The following EZR variants were observed in gnomAD, a reference collection of about 807,000 sequenced individuals.
EZR encodes ezrin.
A neutral mutation model predicts 74.8 loss-of-function variants in EZR; 40 were observed. That is an observed-to-expected ratio of 0.53 (90% CI 0.42 to 0.70). The LOEUF (loss-of-function observed/expected upper bound fraction) is 0.70. Ranked by LOEUF, EZR falls within the 30% of genes least tolerant of loss-of-function variation. The pLI, the probability that EZR is intolerant of heterozygous loss-of-function variation, is 0.00. For synonymous variants in EZR, 341 were observed against 283.3 expected, an observed-to-expected ratio of 1.20 and a Z score of -2.05; for missense variants, 678 against 755.8, an observed-to-expected ratio of 0.90 and a Z score of 1.21.
chr6:158,806,583 A>G (rs893574258), intron 2 of EZR, among the ~76,000 whole-genome samples: 2 of 151,820 alleles, frequency 1.3e-5, no homozygotes, highest in African/African-American at 4.8e-5. Flanking sequence ...AAATCACAAT[A>G]CCATTATCAC....
At chr6:158,767,638 G>T (rs1562488332) in intron 12 of EZR, 126 bp from the exon 13 acceptor site, 1 of 995,666 alleles carries the variant, frequency 1.0e-6, no homozygotes, top group Non-Finnish European at 1.4e-6. Context: ...CTGGGCTGTG[G>T]CTTCGAAGAG....
rs529767040 is a variant in EZR at position 158,776,906 on chromosome 6, G to A, written c.699-402C>T. ...TCCTGCCAGAGCCCACTCTCAAGCT[G>A]TGTGCTGGAGCAGCCCTACTTTCAG... On this transcript the variant is annotated intron_variant, in intron 7 of 13. Transcript: ENST00000367075. Among the ~76,000 whole-genome samples the A allele has an allele frequency of 3.9e-5, 6 of 152,232 alleles. No individual in the cohort carries two copies. In the South Asian group the frequency reaches 1.2e-3, roughly 32 times the overall value.
At chr6:158,796,776 G>A (rs1238728912) in intron 2 of EZR, among the ~76,000 whole-genome samples, 4 of 152,176 alleles carry the variant, frequency 2.6e-5, no homozygotes, top group South Asian at 4.1e-4. Context: ...AGTCCAAGAC[G>A]GGGCCACAGT....
intron 2 of EZR, among the ~76,000 whole-genome samples, chr6:158,803,624 T>TATATAC (rs1562504673): frequency 3.2e-5 from 1 of 30,918 alleles, no homozygotes; most frequent in East Asian, 1.1e-3. Context: ...TATATATATA[T>TATATAC]ACATATACAT....
intron 8 of EZR, among the ~76,000 whole-genome samples, chr6:158,771,626 A>G (rs1378655106): frequency 6.6e-6 from 1 of 152,198 alleles, no homozygotes; most frequent in Non-Finnish European, 1.5e-5. Context: ...TAGCACTGGG[A>G]AAGTGCATTC....
chr6:158,769,706 C>T (rs924831493), intron 11 of EZR, 78 bp downstream of exon 11: 1 of 1,554,392 alleles, frequency 6.4e-7, no homozygotes, highest in Non-Finnish European at 8.8e-7. Flanking sequence ...ACAATTATTA[C>T]AAGGCAGGTG....
Position 158,771,827 on chromosome 6 carries a change from T to A in EZR, c.796-420A>T, listed in dbSNP as rs1171936691. On this transcript the variant is annotated intron_variant, in intron 8 of 13. Coordinates refer to ENST00000367075, the MANE Select transcript of EZR (RefSeq NM_001111077.2). ...TCTTCCAGGTAGCCACCTTTCATGATGTCCTCTCCAGCCTCACTGCTGCTC... is the reference window on the plus strand; with the variant it reads ...TCTTCCAGGTAGCCACCTTTCATGAAGTCCTCTCCAGCCTCACTGCTGCTC... 2.0e-5 allele frequency among the ~76,000 whole-genome samples: 3 copies of A among 152,344 alleles called. No individual in the cohort carries two copies. In the East Asian group the frequency reaches 5.8e-4, roughly 29 times the overall value.
Position 158,766,970 on chromosome 6 carries a change from G to A in EZR, c.1705C>T (p.Arg569Trp), listed in dbSNP as rs765658771. 3 of 1,614,162 alleles carry A rather than the reference G, an allele frequency of 1.9e-6. No homozygotes were observed. The highest frequency in any genetic ancestry group is 2.2e-5 in the South Asian group (2 of 91,078). ...RQGRDKYKTL[R>W]QIRQGNTKQR... The stretch of plus-strand genomic sequence containing the variant: ...TTGGTGTTGCCCTGCCGGATCTGCC[G>A]CAGCGTCTTGTACTTGTCCCGGCCT... Residue 569 changes from arginine to tryptophan, a missense_variant, in exon 14 of 14, where the codon CGG becomes TGG. Arg to Trp is a moderately radical substitution (Grantham distance 101). Transcript: ENST00000367075.
chr6:158,815,090 C>G (rs1309445398), intron 2 of EZR, among the ~76,000 whole-genome samples: 3 of 152,122 alleles, frequency 2.0e-5, no homozygotes, highest in African/African-American at 7.2e-5. Context: ...AAACATTAAG[C>G]CCAAGAAAAC....
At chr6:158,796,553 G>A (rs1302172869) in intron 2 of EZR, among the ~76,000 whole-genome samples, 1 of 152,104 alleles carries the variant, frequency 6.6e-6, no homozygotes, top group Non-Finnish European at 1.5e-5. Context: ...AAATCATCTT[G>A]CCTGGCTTTT....
At chr6:158,799,665 G>GA (rs1355860325) in intron 2 of EZR, among the ~76,000 whole-genome samples, 1 of 152,216 alleles carries the variant, frequency 6.6e-6, no homozygotes, top group Non-Finnish European at 1.5e-5. Flanking sequence ...CACAAATGCT[G>GA]GCTAACAGCC....
chr6:158,807,337 CA>C (rs1777364565), intron 2 of EZR, among the ~76,000 whole-genome samples: 1 of 147,204 alleles, frequency 6.8e-6, no homozygotes, highest in South Asian at 2.2e-4. Flanking sequence ...AAAAAACAAA[CA>C]AAAAAGACAA....
At chr6:158,770,740 A>T (rs2128565982) in intron 10 of EZR, 24 bp downstream of exon 10, 4 of 1,613,940 alleles carry the variant, frequency 2.5e-6, no homozygotes, top group Non-Finnish European at 3.4e-6. Flanking sequence ...CCCAGTGTAG[A>T]GTGCCAGCCC....
intron 2 of EZR, among the ~76,000 whole-genome samples, chr6:158,791,834 G>C (rs967604849): frequency 6.8e-5 from 10 of 146,676 alleles, no homozygotes; most frequent in Admixed American, 2.1e-4. Flanking sequence ...TTAGCCTCCC[G>C]AGTAGCTGGG....
chr6:158,782,165 C>T (rs1272972855), intron 7 of EZR, among the ~76,000 whole-genome samples: 1 of 152,106 alleles, frequency 6.6e-6, no homozygotes, highest in Non-Finnish European at 1.5e-5. Flanking sequence ...CCTGTGACAG[C>T]GCCTGCCTCC....
At chr6:158,817,584 A>G (rs1777585943) in intron 2 of EZR, among the ~76,000 whole-genome samples, 1 of 152,336 alleles carries the variant, frequency 6.6e-6, no homozygotes, top group African/African-American at 2.4e-5. Flanking sequence ...CCTAGTAGGA[A>G]GCGAAGCTGA....
At chr6:158,782,716 T>C (rs1791466195) in intron 7 of EZR, among the ~76,000 whole-genome samples, 1 of 152,140 alleles carries the variant, frequency 6.6e-6, no homozygotes, top group African/African-American at 2.4e-5. Context: ...GCAGAGACGG[T>C]AGTCAGGAGG....
intron 8 of EZR, among the ~76,000 whole-genome samples, chr6:158,773,683 C>T (rs966624191): frequency 6.6e-5 from 10 of 152,242 alleles, no homozygotes; most frequent in Non-Finnish European, 1.5e-4. Context: ...CATCTGGCCG[C>T]AGAGATGGCA....
chr6:158,792,814 C>A (rs1262781557), intron 2 of EZR, among the ~76,000 whole-genome samples: 159 of 131,238 alleles, frequency 1.2e-3, no homozygotes, highest in South Asian at 1.5e-3. Context: ...GACTCCATCT[C>A]AAAAAAAAAA....
Sources: allele counts gnomAD v4.1 joint callset (sites outside exome capture counted in the v4.1 genomes callset), GRCh38; gene constraint gnomAD v4.1.1; transcripts MANE v1.5; gene names NCBI Gene and HGNC (gene_info 2026-07-23, HGNC 2026-07-21).